The following ATP6V0D1 variants were observed in gnomAD, a reference collection of about 807,000 sequenced individuals.
ATP6V0D1 encodes V-type proton ATPase subunit d 1.
In ATP6V0D1, 13 loss-of-function variants were observed where a neutral mutation model predicts 39.0. That is an observed-to-expected ratio of 0.33 (90% CI 0.22 to 0.53). ATP6V0D1 has a LOEUF of 0.53. ATP6V0D1 is among the 20% of genes least tolerant of loss of function. The pLI, the probability that ATP6V0D1 is intolerant of heterozygous loss-of-function variation, is 0.94. For missense variants in ATP6V0D1, 272 were observed against 470.9 expected, an observed-to-expected ratio of 0.58 and a Z score of 3.91; for synonymous variants, 191 against 191.2, an observed-to-expected ratio of 1.00 and a Z score of 0.01.
At chr16:67,443,746 G>A (rs1479778198) in intron 3 of ATP6V0D1, among the ~76,000 whole-genome samples, 2 of 152,204 alleles carry the variant, frequency 1.3e-5, no homozygotes, top group South Asian at 4.1e-4. Flanking sequence ...CTTCATTAAA[G>A]ATGGAGAAAC....
chr16:67,470,574 T>C lies in ATP6V0D1; in HGVS notation c.130+10383A>G, dbSNP rs369244553. Among the ~76,000 whole-genome samples the C allele has an allele frequency of 2.6e-5, 4 of 152,362 alleles. No individual in the cohort carries two copies. In the East Asian group the frequency reaches 5.8e-4, roughly 22 times the overall value. ...GCAGAGCTAGGCTTCCAAGGCAGGC[T>C]TGCCCGGCTATGAGCCAACAGATGG... On this transcript the variant is annotated intron_variant, in intron 1 of 7. Coordinates refer to ENST00000290949, the MANE Select transcript of ATP6V0D1 (RefSeq NM_004691.5).
chr16:67,470,139 T>C (rs759236700), intron 1 of ATP6V0D1, among the ~76,000 whole-genome samples: 5 of 152,156 alleles, frequency 3.3e-5, no homozygotes, highest in Non-Finnish European at 2.9e-5. Context: ...AGTTTGCTGC[T>C]ACCAACAAGG....
At chr16:67,477,118 C>T (rs945721616) in intron 1 of ATP6V0D1, among the ~76,000 whole-genome samples, 6 of 149,794 alleles carry the variant, frequency 4.0e-5, no homozygotes, top group African/African-American at 1.2e-4. Context: ...CTGAGCAAGC[C>T]TCTAGATCTA....
chr16:67,452,683 C>T (rs962065435), intron 2 of ATP6V0D1, among the ~76,000 whole-genome samples: 4 of 152,224 alleles, frequency 2.6e-5, no homozygotes, highest in African/African-American at 9.6e-5. Flanking sequence ...GGGCCACCAC[C>T]TAGGCTGGGA....
At chr16:67,463,561 G>C (rs1218351593) in intron 1 of ATP6V0D1, among the ~76,000 whole-genome samples, 5 of 149,210 alleles carry the variant, frequency 3.4e-5, no homozygotes, top group African/African-American at 1.2e-4. Context: ...GAGGGAGGGA[G>C]GGAGGAAGAA....
chr16:67,462,638 C>T (rs950995985), intron 1 of ATP6V0D1, among the ~76,000 whole-genome samples: 2 of 152,092 alleles, frequency 1.3e-5, no homozygotes, highest in African/African-American at 4.8e-5. Context: ...CCAGCCTGGG[C>T]AACATAGTGA....
chr16:67,458,302 C>A (rs1301737496), intron 1 of ATP6V0D1, among the ~76,000 whole-genome samples: 4 of 152,224 alleles, frequency 2.6e-5, no homozygotes, highest in Non-Finnish European at 5.9e-5. Flanking sequence ...GGGGACGTGA[C>A]TGGGAGCAGG....
chr16:67,454,546 GTTTTTGT>G (rs1246112250), intron 1 of ATP6V0D1: 1 of 151,708 alleles, frequency 6.6e-6, no homozygotes, highest in African/African-American at 2.4e-5. Flanking sequence ...TTTTGTTTTT[GTTTTTGT>G]TTTTTGTTTG....
At chr16:67,472,838 C>T (rs2041384797) in intron 1 of ATP6V0D1, among the ~76,000 whole-genome samples, 1 of 152,110 alleles carries the variant, frequency 6.6e-6, no homozygotes, top group Admixed American at 6.6e-5. Context: ...CCACTGCACT[C>T]CAGCCTGGGC....
chr16:67,471,813 A>G (rs2041375696), intron 1 of ATP6V0D1, among the ~76,000 whole-genome samples: 1 of 151,164 alleles, frequency 6.6e-6, no homozygotes, highest in Non-Finnish European at 1.5e-5. Flanking sequence ...TTATTTTTTT[A>G]GAGATTGGGC....
chr16:67,476,873 T>C (rs1404366815), intron 1 of ATP6V0D1, among the ~76,000 whole-genome samples: 5 of 151,744 alleles, frequency 3.3e-5, no homozygotes, highest in African/African-American at 9.7e-5. Flanking sequence ...CCATCTCTAC[T>C]AAAAGTACCA....
At position 67,456,128 on chromosome 16, in the gene ATP6V0D1, C is replaced by G. The variant is rs1210449424; in HGVS notation, c.131-2413G>C. 1 of 152,078 alleles carries G rather than the reference C, an allele frequency of 6.6e-6. No homozygotes were observed. The highest frequency in any genetic ancestry group is 1.9e-4 in the East Asian group (1 of 5,164). The allele number at this position is 152,078 out of a possible 1,614,324, so 9.4% of individuals were successfully genotyped here. ...TCTCCTGCCTCAGCCTCCCGAGTAGCTGGGACTAAAGGTGCATGCCACCAT... is the reference window on the plus strand; with the variant it reads ...TCTCCTGCCTCAGCCTCCCGAGTAGGTGGGACTAAAGGTGCATGCCACCAT... On this transcript the variant is annotated intron_variant, in intron 1 of 7. Coordinates refer to ENST00000290949, the MANE Select transcript of ATP6V0D1 (RefSeq NM_004691.5). This position sits in a 1 kb window ranked among gnomAD's most constrained non-coding sequence, Gnocchi z 4.1.
At chr16:67,465,936 C>T (rs534883506) in intron 1 of ATP6V0D1, among the ~76,000 whole-genome samples, 4 of 152,266 alleles carry the variant, frequency 2.6e-5, no homozygotes, top group Middle Eastern at 6.8e-3. Flanking sequence ...CGGGGTCCAG[C>T]CACACCTCCC....
chr16:67,452,192 C>T (rs2041188409), intron 2 of ATP6V0D1: 1 of 1,527,768 alleles, frequency 6.5e-7, no homozygotes, highest in Non-Finnish European at 8.8e-7. Flanking sequence ...CCACAAGAGA[C>T]ACCCCATTAC....
At position 67,443,189 on chromosome 16, in the gene ATP6V0D1, A is replaced by T. The variant is rs1205245281; in HGVS notation, c.482-11T>A. 1 of 1,613,792 alleles carries T rather than the reference A, an allele frequency of 6.2e-7. No individual in the cohort carries two copies. Among genetic ancestry groups the T allele is most frequent in the Admixed American group, 1.7e-5 (1 of 60,020 alleles). On this transcript the variant is annotated splice_polypyrimidine_tract_variant and intron_variant, in intron 3 of 7. Transcript: ENST00000290949. ...CCTGGAAAAAAGCCGCTGGGGAGGAAACATGGTTTGAGGGGTGGGCAGGTG... is the reference window on the plus strand; with the variant it reads ...CCTGGAAAAAAGCCGCTGGGGAGGATACATGGTTTGAGGGGTGGGCAGGTG...
chr16:67,442,997 G>C, intron 4 of ATP6V0D1, 102 bp downstream of exon 4: 1 of 1,243,134 alleles, frequency 8.0e-7, no homozygotes, highest in Non-Finnish European at 1.2e-6. Flanking sequence ...GCCTGACATA[G>C]CTGCATCCTG....
rs1351282733 is a variant in ATP6V0D1, at chr16:67,447,577, G to A, written c.303-2871C>T. On this transcript the variant is annotated intron_variant, in intron 2 of 7. Transcript: ENST00000290949. The surrounding 1 kb of genome is among the most constrained non-coding windows in gnomAD (Gnocchi z 4.1). ...AGGGGAAGACAGCTGGGGAGTGGAG[G>A]GCCGGCTGCCCGCCAGGCCAAAGAG... 1.3e-5 allele frequency among the ~76,000 whole-genome samples: 2 copies of A among 152,202 alleles called. No individual in the cohort carries two copies. Among genetic ancestry groups the A allele is most frequent in the Non-Finnish European group, 2.9e-5 (2 of 68,042 alleles).
intron 1 of ATP6V0D1, chr16:67,455,302 A>T (rs930193155): frequency 1.3e-5 from 2 of 152,240 alleles, no homozygotes; most frequent in African/African-American, 4.8e-5. Context: ...CTACAAGCTT[A>T]GGGGACCCCT....
chr16:67,439,416 G>A (rs2041020682), intron 4 of ATP6V0D1, 65 bp from the exon 5 acceptor site: 1 of 1,471,846 alleles, frequency 6.8e-7, no homozygotes, highest in Admixed American at 1.8e-5. Context: ...CTAGGCACAA[G>A]CCCTCACAGC....
Sources: allele counts gnomAD v4.1 joint callset (sites outside exome capture counted in the v4.1 genomes callset), GRCh38; gene constraint gnomAD v4.1.1; non-coding constraint Gnocchi (gnomAD v3.1); transcripts MANE v1.5; gene names NCBI Gene and HGNC (gene_info 2026-07-23, HGNC 2026-07-21).